PSMB7: variants seen among roughly 807,000 people sequenced by gnomAD.
PSMB7 encodes the protein proteasome 20S subunit beta 7.
A neutral mutation model predicts 28.1 loss-of-function variants in PSMB7; 5 were observed. The observed-to-expected ratio is 0.18, with a 90% CI of 0.09 to 0.37. PSMB7 has a LOEUF of 0.37. PSMB7 is among the 10% of genes least tolerant of loss of function. The probability of loss-of-function intolerance (pLI) is 1.00; values close to 1 mark genes in which losing one functional copy is unlikely to be tolerated. For synonymous variants in PSMB7, 122 were observed against 123.7 expected, an observed-to-expected ratio of 0.99 and a Z score of 0.09; for missense variants, 275 against 346.2, an observed-to-expected ratio of 0.79 and a Z score of 1.63.
intron 7 of PSMB7, among the ~76,000 whole-genome samples, chr9:124,354,983 C>G (rs1830385707): frequency 6.6e-6 from 1 of 152,260 alleles, no homozygotes; most frequent in Non-Finnish European, 1.5e-5. Context: ...TGCGGGCAGA[C>G]AGGCAGCAGG....
chr9:124,372,300 T>C (rs1490930555), intron 6 of PSMB7, among the ~76,000 whole-genome samples: 1 of 152,180 alleles, frequency 6.6e-6, no homozygotes, highest in South Asian at 2.1e-4. Flanking sequence ...TATGAGAATA[T>C]GAAATTGGGT....
rs1831038134 is a variant in PSMB7 at position 124,412,434 on chromosome 9, T to G, written c.313A>C (p.Asn105His). The G allele has an allele frequency of 6.8e-6, 11 of 1,614,156 alleles. No homozygotes were observed. Among genetic ancestry groups the G allele is most frequent in the Non-Finnish European group, 9.3e-6 (11 of 1,180,012 alleles). The change falls in exon 4 of 8, where the codon AAC becomes CAC. Residue 105 changes from asparagine (N) to histidine (H), a missense_variant. By Grantham distance (68) the Asn-to-His change is moderately conservative. Transcript: ENST00000259457. ...TDMTTQLISS[N>H]LELHSLSTGR... is the part of the protein sequence containing the mutation. ...GTGGAGAGGGAGTGGAGCTCCAGGT[T>G]GGAAGAAATGAGCTGGGTTGTCATG...
intron 3 of PSMB7, 83 bp from the exon 4 acceptor site, chr9:124,412,575 A>G: frequency 6.9e-7 from 1 of 1,445,752 alleles, no homozygotes; most frequent in Non-Finnish European, 9.6e-7. Context: ...GATAACTTCC[A>G]TGAAGTTCAG....
intron 5 of PSMB7, chr9:124,398,538 T>C (rs1830864675): frequency 7.6e-6 from 2 of 264,092 alleles, no homozygotes; most frequent in Non-Finnish European, 1.6e-5. Context: ...TGTGGAGATA[T>C]ATATGCATAT....
At chr9:124,414,107 C>T in intron 2 of PSMB7, 102 bp from the exon 3 acceptor site, 1 of 662,434 alleles carries the variant, frequency 1.5e-6, no homozygotes, top group South Asian at 2.0e-5. Flanking sequence ...CACATGCTCC[C>T]CTAATCTCAA....
intron 6 of PSMB7, among the ~76,000 whole-genome samples, chr9:124,359,403 C>T (rs776590271): frequency 5.9e-5 from 9 of 152,240 alleles, no homozygotes; most frequent in African/African-American, 2.4e-5. Flanking sequence ...AGCACTCTAA[C>T]GTGCCAAGCC....
At chr9:124,396,583 C>G (rs1210297750) in intron 5 of PSMB7, among the ~76,000 whole-genome samples, 2 of 152,192 alleles carry the variant, frequency 1.3e-5, no homozygotes, top group African/African-American at 4.8e-5. Flanking sequence ...CTGGATGGCC[C>G]TGGCAGTGAC....
intron 5 of PSMB7, among the ~76,000 whole-genome samples, chr9:124,390,681 C>T (rs1830774626): frequency 6.6e-6 from 1 of 151,936 alleles, no homozygotes; most frequent in South Asian, 2.1e-4. Context: ...CTGGGTGGTG[C>T]TATTTTCTTT....
chr9:124,398,117 G>C (rs1389683500), intron 5 of PSMB7, among the ~76,000 whole-genome samples: 1 of 151,582 alleles, frequency 6.6e-6, no homozygotes, highest in Non-Finnish European at 1.5e-5. Context: ...AGGCTGCAGT[G>C]AGCCAAAATC....
chr9:124,377,234 A>C (rs533221961), intron 6 of PSMB7, among the ~76,000 whole-genome samples: 18 of 152,328 alleles, frequency 1.2e-4, no homozygotes, highest in African/African-American at 4.1e-4. Flanking sequence ...GATCGCACAG[A>C]CAAGGATGCC....
At chr9:124,378,469 C>T (rs1830635178) in intron 6 of PSMB7, among the ~76,000 whole-genome samples, 1 of 152,142 alleles carries the variant, frequency 6.6e-6, no homozygotes, top group Admixed American at 6.5e-5. Flanking sequence ...ATTTGCAAGT[C>T]GATACCAGAG....
intron 6 of PSMB7, among the ~76,000 whole-genome samples, chr9:124,374,624 A>C (rs1338134821): frequency 1.3e-5 from 2 of 152,198 alleles, no homozygotes; most frequent in South Asian, 2.1e-4. Flanking sequence ...CAGGAGTTCA[A>C]GACTAGCCTG....
chr9:124,370,487 C>A (rs776469565), intron 6 of PSMB7, among the ~76,000 whole-genome samples: 22 of 127,172 alleles, frequency 1.7e-4, no homozygotes, highest in South Asian at 2.9e-4. Flanking sequence ...TTATTCAGAT[C>A]TTCCGATATA....
chr9:124,413,831 A>C, intron 3 of PSMB7, 77 bp downstream of exon 3: 1 of 976,356 alleles, frequency 1.0e-6, no homozygotes. Flanking sequence ...AGGTTTTAGT[A>C]AGGAGCACAG....
At chr9:124,359,982 C>T (rs946436662) in intron 6 of PSMB7, among the ~76,000 whole-genome samples, 1 of 152,222 alleles carries the variant, frequency 6.6e-6, no homozygotes, top group Non-Finnish European at 1.5e-5. Context: ...CTACTGTCCA[C>T]CCACTACTTA....
At chr9:124,408,131 T>C (rs1290186206) in intron 4 of PSMB7, among the ~76,000 whole-genome samples, 2 of 152,136 alleles carry the variant, frequency 1.3e-5, no homozygotes, top group Non-Finnish European at 2.9e-5. Context: ...TGCCTTTAAG[T>C]GAGCCATGAT....
chr9:124,353,780 A>C (rs1830362000), intron 7 of PSMB7, 71 bp from the exon 8 acceptor site: 2 of 1,168,590 alleles, frequency 1.7e-6, no homozygotes, highest in Admixed American at 3.6e-5. Context: ...AGACAGTGAA[A>C]ATAAATATTC....
Position 124,412,419 on chromosome 9 carries a change from A to G in PSMB7, c.328T>C (p.Ser110Pro), listed in dbSNP as rs762252807. ...CTGGGAAGACGGCCAGTGGAGAGGG[A>G]GTGGAGCTCCAGGTTGGAAGAAATG... ...QLISSNLELH[S>P]LSTGRLPRVV... Residue 110 changes from serine to proline, a missense_variant, in exon 4 of 8, where the codon TCC becomes CCC. By Grantham distance (74) the Ser-to-Pro change is moderately conservative (BLOSUM62 -1). Coordinates refer to ENST00000259457, the MANE Select transcript of PSMB7 (RefSeq NM_002799.4). 6.2e-7 allele frequency: 1 copy of G among 1,614,094 alleles called. No homozygotes were observed. Among genetic ancestry groups the G allele is most frequent in the South Asian group, 1.1e-5 (1 of 91,084 alleles).
intron 4 of PSMB7, among the ~76,000 whole-genome samples, chr9:124,410,886 T>C (rs529070458): frequency 1.3e-5 from 2 of 152,186 alleles, no homozygotes; most frequent in Admixed American, 1.3e-4. Context: ...GAGCACCCAC[T>C]CCCACTTCTA....
Sources: allele counts gnomAD v4.1 joint callset (sites outside exome capture counted in the v4.1 genomes callset), GRCh38; gene constraint gnomAD v4.1.1; transcripts MANE v1.5; gene names NCBI Gene and HGNC (gene_info 2026-07-23, HGNC 2026-07-21).